The following IFT56 variants were observed in gnomAD, a reference collection of about 807,000 sequenced individuals.
The protein encoded by IFT56 is intraflagellar transport protein 56.
chr7:139,146,694 G>A, the IFT56 span, among the ~76,000 whole-genome samples: 1 of 150,826 alleles, frequency 6.6e-6, no homozygotes, highest in South Asian at 2.1e-4. Flanking sequence ...TTGAACCTGG[G>A]AGGCAGAGGT....
chr7:139,165,990 C>G, the IFT56 span, among the ~76,000 whole-genome samples: 1 of 152,202 alleles, frequency 6.6e-6, no homozygotes, highest in Non-Finnish European at 1.5e-5. Context: ...CGGAGTCTTA[C>G]TCTGTCGCCC....
the IFT56 span, among the ~76,000 whole-genome samples, chr7:139,177,167 G>A: frequency 1.4e-4 from 19 of 132,788 alleles, no homozygotes; most frequent in African/African-American, 3.3e-4. Context: ...GTAAGACTCC[G>A]TCTCAAAAAA....
At chr7:139,167,897 C>T in the IFT56 span, among the ~76,000 whole-genome samples, 2 of 149,548 alleles carry the variant, frequency 1.3e-5, no homozygotes, top group South Asian at 2.1e-4. Flanking sequence ...GCTGAGATCA[C>T]GCCACTGTAC....
At chr7:139,159,149 A>G in the IFT56 span, among the ~76,000 whole-genome samples, 1,006 of 152,224 alleles carry the variant, frequency 6.6e-3, 14 homozygotes, top group African/African-American at 0.024. Context: ...ATATGTTTCT[A>G]TTTTCTGCAA....
At chr7:139,142,381 G>A in the IFT56 span, 2 of 1,218,632 alleles carry the variant, frequency 1.6e-6, no homozygotes, top group Non-Finnish European at 2.4e-6. Flanking sequence ...ACTAACACTA[G>A]TGAGAGATAT....
chr7:139,171,352 T>C, the IFT56 span, among the ~76,000 whole-genome samples: 1 of 152,154 alleles, frequency 6.6e-6, no homozygotes, highest in Non-Finnish European at 1.5e-5. Context: ...TCCTAAAATT[T>C]ATACAGAACC....
At chr7:139,171,479 G>A in the IFT56 span, among the ~76,000 whole-genome samples, 3 of 152,120 alleles carry the variant, frequency 2.0e-5, no homozygotes, top group Non-Finnish European at 4.4e-5. Flanking sequence ...GCATGGTACT[G>A]GCATAAACAC....
the IFT56 span, among the ~76,000 whole-genome samples, chr7:139,148,978 C>T: frequency 6.6e-6 from 1 of 151,994 alleles, no homozygotes; most frequent in Admixed American, 6.6e-5. Context: ...GATTGAATGC[C>T]ACCAACATAC....
the IFT56 span, chr7:139,133,891 T>C: frequency 3.7e-6 from 6 of 1,613,980 alleles, no homozygotes; most frequent in Admixed American, 6.7e-5. Context: ...AGGGAGTACT[T>C]TGAGTAGGTC....
chr7:139,153,411 A>C, the IFT56 span, among the ~76,000 whole-genome samples: 3 of 151,854 alleles, frequency 2.0e-5, no homozygotes, highest in Non-Finnish European at 2.9e-5. Flanking sequence ...AGATTGCACC[A>C]ATGCACTCCA....
At chr7:139,146,893 A>G in the IFT56 span, 1 of 877,770 alleles carries the variant, frequency 1.1e-6, no homozygotes, top group Non-Finnish European at 1.7e-6. Flanking sequence ...GATAAGGGGA[A>G]GGGTCAAATA....
the IFT56 span, among the ~76,000 whole-genome samples, chr7:139,134,133 C>G: frequency 6.6e-6 from 1 of 152,198 alleles, no homozygotes; most frequent in Non-Finnish European, 1.5e-5. Context: ...GAAAGCATCT[C>G]TAGCCAGAGA....
the IFT56 span, among the ~76,000 whole-genome samples, chr7:139,184,446 C>A: frequency 1.3e-5 from 2 of 152,186 alleles, no homozygotes; most frequent in African/African-American, 4.8e-5. Flanking sequence ...AAGCCAGTTT[C>A]ATAGGGTCCC....
the IFT56 span, among the ~76,000 whole-genome samples, chr7:139,170,566 G>C: frequency 6.7e-6 from 1 of 148,564 alleles, no homozygotes; most frequent in Admixed American, 6.6e-5. Flanking sequence ...CAAATCAATG[G>C]GATACATCAT....
the IFT56 span, chr7:139,169,462 TAAAGTGG>T: frequency 1.0e-6 from 1 of 957,436 alleles, no homozygotes; most frequent in Non-Finnish European, 1.6e-6. Flanking sequence ...CTTCACATTA[TAAAGTGG>T]GAGGTCAGAA....
the IFT56 span, chr7:139,146,970 T>C: frequency 6.6e-7 from 1 of 1,518,588 alleles, no homozygotes; most frequent in Non-Finnish European, 8.8e-7. Flanking sequence ...GCTATTTCCA[T>C]TGTTTCTTTG....
At chr7:139,161,663 TC>T in the IFT56 span, among the ~76,000 whole-genome samples, 1 of 152,342 alleles carries the variant, frequency 6.6e-6, no homozygotes. Flanking sequence ...ATTTCTCTAT[TC>T]CTTTTTGTAG....
chr7:139,139,631 T>C, the IFT56 span, among the ~76,000 whole-genome samples: 1 of 152,224 alleles, frequency 6.6e-6, no homozygotes, highest in Non-Finnish European at 1.5e-5. Context: ...TTGTTTCTAT[T>C]GTTTGTTAGT....
At chr7:139,159,416 T>C in the IFT56 span, among the ~76,000 whole-genome samples, 1 of 152,176 alleles carries the variant, frequency 6.6e-6, no homozygotes, top group Non-Finnish European at 1.5e-5. Flanking sequence ...ATTATATAAC[T>C]GTTTTTTTAT....
Sources: allele counts gnomAD v4.1 joint callset (sites outside exome capture counted in the v4.1 genomes callset), GRCh38; gene constraint gnomAD v4.1.1; transcripts MANE v1.5; gene names NCBI Gene and HGNC (gene_info 2026-07-23, HGNC 2026-07-21).